UGGT2: variants seen among roughly 807,000 people sequenced by gnomAD.
UGGT2 encodes the protein UDP-glucose:glycoprotein glucosyltransferase 2.
Under a neutral mutation model 192.1 loss-of-function variants are expected in UGGT2, and 180 were observed. That is an observed-to-expected ratio of 0.94 (90% CI 0.83 to 1.06). The LOEUF is 1.06. Among genes scored for constraint, UGGT2 ranks in the 50% least tolerant of loss-of-function variants. The pLI is 0.00. For synonymous variants in UGGT2, 580 were observed against 591.0 expected (o/e 0.98, Z 0.27); for missense variants, 1,849 against 1,795.7 (o/e 1.03, Z -0.54).
chr13:95,982,120 C>T (rs532903845), intron 10 of UGGT2, among the ~76,000 whole-genome samples: 2 of 152,230 alleles, frequency 1.3e-5, no homozygotes, highest in South Asian at 2.1e-4. Context: ...AAGGTGATGG[C>T]CATAGTGGCC....
At chr13:96,025,770 G>C (rs545530595) in intron 2 of UGGT2, among the ~76,000 whole-genome samples, 1 of 152,240 alleles carries the variant, frequency 6.6e-6, no homozygotes, top group African/African-American at 2.4e-5. Flanking sequence ...AAAAAAGAGG[G>C]AGATATGAGA....
intron 10 of UGGT2, among the ~76,000 whole-genome samples, chr13:95,980,194 T>A (rs969025216): frequency 1.3e-5 from 2 of 152,154 alleles, no homozygotes; most frequent in African/African-American, 4.8e-5. Flanking sequence ...TGCATATGCA[T>A]GTTTATAGCA....
Position 95,948,060 on chromosome 13 carries a change from G to A in UGGT2, c.1477C>T (p.Gln493Ter). 1.2e-6 allele frequency: 2 copies of A among 1,612,872 alleles called. No individual in the cohort carries two copies. Among genetic ancestry groups the A allele is most frequent in the Non-Finnish European group, 8.5e-7 (1 of 1,179,498 alleles). Residue 493 changes from glutamine to a stop codon, truncating the protein, a stop_gained, in exon 14 of 39, where the codon CAA becomes TAA. Coordinates refer to ENST00000376747, the MANE Select transcript of UGGT2 (RefSeq NM_020121.4). LOFTEE classifies it high-confidence loss of function. ...TTTATAAAATCCAAGGTATATTCTT[G>A]GGCCGGATCAATAAACAGAACCTAA... ...HNLVLFIDPA[Q>*]EYTLDFIKLA... is the part of the protein sequence containing the mutation.
chr13:95,943,914 A>G (rs2049777299), intron 15 of UGGT2, among the ~76,000 whole-genome samples: 1 of 152,064 alleles, frequency 6.6e-6, no homozygotes, highest in Admixed American at 6.5e-5. Flanking sequence ...ATCAATTAAC[A>G]AAATTCCCTT....
intron 38 of UGGT2, among the ~76,000 whole-genome samples, chr13:95,810,260 G>A (rs891116006): frequency 1.3e-5 from 2 of 152,108 alleles, no homozygotes; most frequent in South Asian, 2.1e-4. Context: ...CACTAAACAC[G>A]GTATGAACTG....
intron 12 of UGGT2, among the ~76,000 whole-genome samples, chr13:95,955,005 C>T (rs908020420): frequency 6.6e-6 from 1 of 152,052 alleles, no homozygotes. Context: ...TTGTCTATGC[C>T]CGATGTCTTA....
intron 2 of UGGT2, among the ~76,000 whole-genome samples, chr13:96,026,609 T>C (rs1566838537): frequency 6.6e-6 from 1 of 151,218 alleles, no homozygotes; most frequent in South Asian, 2.1e-4. Context: ...CCTAATCCAG[T>C]TGCTTTAAAC....
At chr13:95,980,891 A>T (rs1167583347) in intron 10 of UGGT2, among the ~76,000 whole-genome samples, 1 of 152,030 alleles carries the variant, frequency 6.6e-6, no homozygotes, top group African/African-American at 2.4e-5. Context: ...CAGCTACCCA[A>T]GGAGGCTGAG....
intron 36 of UGGT2, among the ~76,000 whole-genome samples, chr13:95,838,154 T>C (rs899897434): frequency 2.0e-5 from 3 of 152,202 alleles, no homozygotes; most frequent in African/African-American, 7.2e-5. Flanking sequence ...CTTTTCTATA[T>C]ACCAGCAATG....
At chr13:95,881,395 G>C (rs2076470562) in intron 27 of UGGT2, among the ~76,000 whole-genome samples, 1 of 152,116 alleles carries the variant, frequency 6.6e-6, no homozygotes, top group Admixed American at 6.5e-5. Context: ...ACTCTTCGCT[G>C]CAAATGTGAC....
At chr13:95,962,937 A>G (rs1277221320) in intron 12 of UGGT2, among the ~76,000 whole-genome samples, 10 of 152,184 alleles carry the variant, frequency 6.6e-5, no homozygotes. Context: ...GATGGCAGCA[A>G]GCAAAAAGAG....
chr13:95,999,387 T>G, intron 5 of UGGT2, 80 bp from the exon 6 acceptor site: 2 of 1,300,912 alleles, frequency 1.5e-6, no homozygotes, highest in Non-Finnish European at 2.2e-6. Context: ...CACGATGTAT[T>G]TGGACATAAG....
At chr13:95,818,271 C>T (rs953895148) in intron 38 of UGGT2, among the ~76,000 whole-genome samples, 3 of 152,190 alleles carry the variant, frequency 2.0e-5, no homozygotes, top group Non-Finnish European at 2.9e-5. Flanking sequence ...CATGACTATG[C>T]ACTACATGCA....
chr13:95,976,228 C>T (rs986080893), intron 10 of UGGT2, among the ~76,000 whole-genome samples: 1 of 152,090 alleles, frequency 6.6e-6, no homozygotes, highest in Non-Finnish European at 1.5e-5. Context: ...ATAATGTCCT[C>T]TATTGTTGCT....
At chr13:95,985,908 A>T (rs957612315) in intron 9 of UGGT2, among the ~76,000 whole-genome samples, 1 of 152,154 alleles carries the variant, frequency 6.6e-6, no homozygotes. Flanking sequence ...AGACATTACC[A>T]ATCATTTGGA....
intron 36 of UGGT2, among the ~76,000 whole-genome samples, chr13:95,840,498 T>C (rs1887752552): frequency 6.6e-6 from 1 of 152,090 alleles, no homozygotes; most frequent in South Asian, 2.1e-4. Flanking sequence ...ATGAGTGGTT[T>C]TGATACCATC....
chr13:95,944,322 T>C (rs1381855000), intron 15 of UGGT2, among the ~76,000 whole-genome samples: 1 of 152,102 alleles, frequency 6.6e-6, no homozygotes, highest in Non-Finnish European at 1.5e-5. Flanking sequence ...CTGAAATTAT[T>C]ATTTCTTCAA....
At chr13:95,916,512 C>G (rs1465546271) in intron 20 of UGGT2, among the ~76,000 whole-genome samples, 6 of 152,130 alleles carry the variant, frequency 3.9e-5, no homozygotes, top group Admixed American at 3.9e-4. Context: ...ATGACTGCAA[C>G]ACCTCTCCCC....
intron 17 of UGGT2, among the ~76,000 whole-genome samples, chr13:95,935,485 A>G (rs914298284): frequency 2.0e-5 from 3 of 152,192 alleles, no homozygotes; most frequent in Non-Finnish European, 4.4e-5. Context: ...AGGAATGCTG[A>G]AAATAGACCA....
Sources: gnomAD v4.1 joint callset for allele counts (sites outside exome capture counted in the v4.1 genomes callset) on GRCh38, gnomAD v4.1.1 for gene constraint, MANE v1.5 for transcripts, NCBI Gene and HGNC (gene_info 2026-07-23, HGNC 2026-07-21) for gene names.